The following OPCML variants were observed in gnomAD, a reference collection of about 807,000 sequenced individuals.
The protein encoded by OPCML is opioid binding protein/cell adhesion molecule like.
OPCML carries 13 observed loss-of-function variants against 37.8 expected under a neutral mutation model. The observed-to-expected ratio is 0.34, with a 90% confidence interval of 0.22 to 0.55. OPCML has a LOEUF of 0.55. Among genes scored for constraint, OPCML ranks in the 20% least tolerant of loss-of-function variants. OPCML has a pLI of 0.91. For missense variants in OPCML, 341 were observed against 435.6 expected, an observed-to-expected ratio of 0.78 and a Z score of 1.93; for synonymous variants, 176 against 168.8, an observed-to-expected ratio of 1.04 and a Z score of -0.33.
At chr11:133,061,023 GATTTT>G (rs1019445666) in intron 1 of OPCML, among the ~76,000 whole-genome samples, 1 of 152,198 alleles carries the variant, frequency 6.6e-6, no homozygotes, top group African/African-American at 2.4e-5. Flanking sequence ...GTTTTTGTTT[GATTTT>G]ATTTTCATGT....
At chr11:132,944,101 C>T (rs1028472620) in intron 1 of OPCML, among the ~76,000 whole-genome samples, 25 of 152,100 alleles carry the variant, frequency 1.6e-4, no homozygotes, top group African/African-American at 5.1e-4. Context: ...GGGATGAGCC[C>T]GCACCGCGCC....
At chr11:133,482,790 A>G (rs1237277816) in intron 1 of OPCML, among the ~76,000 whole-genome samples, 1 of 152,226 alleles carries the variant, frequency 6.6e-6, no homozygotes, top group Non-Finnish European at 1.5e-5. Flanking sequence ...TAGATTAAAA[A>G]TTAAAATGAT....
intron 1 of OPCML, among the ~76,000 whole-genome samples, chr11:133,082,807 C>G (rs1010757848): frequency 2.0e-5 from 3 of 148,504 alleles, no homozygotes; most frequent in South Asian, 2.1e-4. Context: ...CCTCGCGGCC[C>G]GGGCGGGGCC....
chr11:133,411,775 A>G (rs986493997), intron 1 of OPCML, among the ~76,000 whole-genome samples: 2 of 152,186 alleles, frequency 1.3e-5, no homozygotes, highest in Non-Finnish European at 2.9e-5. Flanking sequence ...AGGTTTTTCT[A>G]TGCAGCTAAG....
At chr11:133,255,298 T>C (rs1194064647) in intron 1 of OPCML, among the ~76,000 whole-genome samples, 1 of 152,152 alleles carries the variant, frequency 6.6e-6, no homozygotes, top group Non-Finnish European at 1.5e-5. Context: ...AATGATATTT[T>C]ACAGGGAAGG....
intron 1 of OPCML, among the ~76,000 whole-genome samples, chr11:133,198,653 G>A (rs1938634721): frequency 6.6e-6 from 1 of 152,236 alleles, no homozygotes; most frequent in Non-Finnish European, 1.5e-5. Context: ...TCCCAGGGCA[G>A]GACTAGTACT....
At chr11:133,351,110 C>A (rs926270627) in intron 1 of OPCML, among the ~76,000 whole-genome samples, 12 of 152,148 alleles carry the variant, frequency 7.9e-5, no homozygotes, top group Non-Finnish European at 1.5e-4. Context: ...AAAGCAGGAC[C>A]ACAAAATTGG....
intron 2 of OPCML, among the ~76,000 whole-genome samples, chr11:132,782,763 T>C (rs973650989): frequency 2.0e-5 from 3 of 151,822 alleles, no homozygotes; most frequent in African/African-American, 7.2e-5. Flanking sequence ...CATGCCGTTG[T>C]TTAATATGTG....
chr11:132,570,820 G>GAGAGAGAGA (rs1245612388), intron 3 of OPCML, among the ~76,000 whole-genome samples: 60 of 123,682 alleles, frequency 4.9e-4, no homozygotes, highest in Non-Finnish European at 6.8e-4. Flanking sequence ...GAGAGAGAGA[G>GAGAGAGAGA]GATATATACT....
At chr11:133,337,843 T>G (rs1943777591) in intron 1 of OPCML, among the ~76,000 whole-genome samples, 1 of 152,132 alleles carries the variant, frequency 6.6e-6, no homozygotes, top group Non-Finnish European at 1.5e-5. Context: ...GTTACAGCAG[T>G]ACAAGATGAT....
chr11:133,145,887 T>C (rs992130061), intron 1 of OPCML, among the ~76,000 whole-genome samples: 1 of 152,008 alleles, frequency 6.6e-6, no homozygotes, highest in African/African-American at 2.4e-5. Context: ...TGACAGGAAG[T>C]GGAGAGTGTC....
intron 2 of OPCML, among the ~76,000 whole-genome samples, chr11:132,705,109 G>C (rs1432496125): frequency 6.6e-6 from 1 of 152,154 alleles, no homozygotes; most frequent in African/African-American, 2.4e-5. Context: ...TGATTAAAAG[G>C]GGTGATATAG....
At chr11:132,699,875 A>T (rs1349601975) in intron 2 of OPCML, among the ~76,000 whole-genome samples, 1 of 152,076 alleles carries the variant, frequency 6.6e-6, no homozygotes, top group Non-Finnish European at 1.5e-5. Context: ...CTAGTTTGGA[A>T]TTATTCCCTT....
chr11:133,272,722 A>C (rs1941885665), intron 1 of OPCML, among the ~76,000 whole-genome samples: 2 of 152,182 alleles, frequency 1.3e-5, no homozygotes, highest in African/African-American at 4.8e-5. Flanking sequence ...TTCTTATTTT[A>C]CCAAACTCAC....
chr11:132,925,523 T>C (rs1944957966), intron 2 of OPCML, among the ~76,000 whole-genome samples: 1 of 152,214 alleles, frequency 6.6e-6, no homozygotes, highest in Middle Eastern at 3.2e-3. Context: ...GTGGGGCTTC[T>C]GGAGGTAAAA....
At chr11:133,224,104 G>A (rs183953380) in intron 1 of OPCML, among the ~76,000 whole-genome samples, 1 of 152,124 alleles carries the variant, frequency 6.6e-6, no homozygotes, top group East Asian at 1.9e-4. Flanking sequence ...AACAGGAGAA[G>A]GTCCAATGCT....
chr11:133,038,708 T>C (rs1380536112), intron 1 of OPCML, among the ~76,000 whole-genome samples: 2 of 151,978 alleles, frequency 1.3e-5, no homozygotes, highest in African/African-American at 4.8e-5. Flanking sequence ...TGAGTTACGA[T>C]CCCACAACTC....
intron 1 of OPCML, among the ~76,000 whole-genome samples, chr11:133,327,626 A>C (rs1943506038): frequency 6.6e-6 from 1 of 152,142 alleles, no homozygotes; most frequent in Non-Finnish European, 1.5e-5. Context: ...TTATCTACCT[A>C]ACTTCTGTTT....
chr11:133,134,608 C>G (rs1161923573), intron 1 of OPCML, among the ~76,000 whole-genome samples: 2 of 152,222 alleles, frequency 1.3e-5, no homozygotes, highest in African/African-American at 2.4e-5. Context: ...GTCGCCTCGG[C>G]CATGGGCTCT....
Sources: gnomAD v4.1 joint callset for allele counts (sites outside exome capture counted in the v4.1 genomes callset) on GRCh38, gnomAD v4.1.1 for gene constraint, MANE v1.5 for transcripts, NCBI Gene and HGNC (gene_info 2026-07-23, HGNC 2026-07-21) for gene names.